The following GBF1 variants were observed in gnomAD, a reference collection of about 807,000 sequenced individuals.
GBF1 encodes the protein Golgi-specific brefeldin A-resistance guanine nucleotide exchange factor 1.
In GBF1, 114 loss-of-function variants were observed where a neutral mutation model predicts 210.5. The observed-to-expected ratio is 0.54, with a 90% CI of 0.47 to 0.63. The LOEUF (loss-of-function observed/expected upper bound fraction) is 0.63. Ranked by LOEUF, GBF1 falls within the 30% of genes least tolerant of loss-of-function variation. The pLI is 0.00. For synonymous variants in GBF1, 850 were observed against 889.2 expected (o/e 0.96, Z 0.78); for missense variants, 1,851 against 2,357.7 (o/e 0.79, Z 4.45).
chr10:102,260,729 G>A (rs748530778), intron 3 of GBF1, among the ~76,000 whole-genome samples: 1 of 151,326 alleles, frequency 6.6e-6, no homozygotes, highest in Non-Finnish European at 1.5e-5. Flanking sequence ...CCACTGCCTC[G>A]GCCTCTGAAA....
In GBF1 at chr10:102,379,478, G is replaced by A; in HGVS notation, c.4646-43G>A. ...AGGTAGGGAGTTTGGGGAGCATCAG[G>A]ATCAAGATGCCTGAAGGATCCTGAC... is the stretch of plus-strand genomic sequence containing the variant. On this transcript the variant is annotated intron_variant, in intron 34 of 39. Coordinates refer to ENST00000369983, the MANE Select transcript of GBF1 (RefSeq NM_001377137.1). 4 of 1,614,004 alleles carry A rather than the reference G, an allele frequency of 2.5e-6. No individual in the cohort carries two copies. In the South Asian group the frequency reaches 4.4e-5, roughly 18 times the overall value.
chr10:102,279,199 A>G (rs2075269628), intron 3 of GBF1, among the ~76,000 whole-genome samples: 1 of 152,182 alleles, frequency 6.6e-6, no homozygotes, highest in Admixed American at 6.5e-5. Context: ...CTAATAACTA[A>G]AAAGAGTTTG....
chr10:102,289,326 T>C (rs906989973), intron 3 of GBF1, among the ~76,000 whole-genome samples: 3 of 152,164 alleles, frequency 2.0e-5, no homozygotes, highest in Admixed American at 6.5e-5. Flanking sequence ...ATAGAAATCC[T>C]TGTGAGAATA....
At chr10:102,271,037 A>T (rs562739397) in intron 3 of GBF1, among the ~76,000 whole-genome samples, 163 of 149,076 alleles carry the variant, frequency 1.1e-3, no homozygotes, top group African/African-American at 1.3e-3. Context: ...TTATTTTATT[A>T]TTATTATTAT....
Position 102,366,064 on chromosome 10 carries a change from C to T in GBF1, c.2310-319C>T, listed in dbSNP as rs973115750. 6.6e-6 allele frequency among the ~76,000 whole-genome samples: 1 copy of T among 152,150 alleles called. No homozygotes were observed. The highest frequency in any genetic ancestry group is 2.4e-5 in the African/African-American group (1 of 41,434). Reference sequence around the variant, plus strand: ...GGAGACCCTAGCCAATGTTCTTCCTCTACCCATCATTTATATCTATTGGAC... The same window carrying T: ...GGAGACCCTAGCCAATGTTCTTCCTTTACCCATCATTTATATCTATTGGAC... On this transcript the variant is annotated intron_variant, in intron 18 of 39. Transcript: ENST00000369983. This position sits in a 1 kb window ranked among gnomAD's most constrained non-coding sequence, Gnocchi z 4.0.
chr10:102,258,114 A>G (rs910424473), intron 1 of GBF1, among the ~76,000 whole-genome samples: 8 of 151,526 alleles, frequency 5.3e-5, no homozygotes, highest in Non-Finnish European at 8.8e-5. Context: ...TGGATTCATA[A>G]CATAAGATGG....
intron 3 of GBF1, among the ~76,000 whole-genome samples, chr10:102,306,095 G>A (rs1197804813): frequency 6.6e-6 from 1 of 152,180 alleles, no homozygotes; most frequent in African/African-American, 2.4e-5. Flanking sequence ...CTGAAGACTT[G>A]AGATATAGAC....
At chr10:102,230,999 G>C in the GBF1 span, 2 of 1,599,634 alleles carry the variant, frequency 1.3e-6, no homozygotes, top group Non-Finnish European at 1.7e-6. Flanking sequence ...TCGTAGGGCG[G>C]CACCAGCCCC....
rs1433796634 is a variant in GBF1 at position 102,265,060 on chromosome 10, G to A, written c.163+4944G>A. On this transcript the variant is annotated intron_variant, in intron 3 of 39. Transcript: ENST00000369983. The stretch of plus-strand genomic sequence containing the variant: ...CATGGGATGGGGCATGGAAGGGAAA[G>A]TGAAATATCAGGATACTTGATATTG... Among the ~76,000 whole-genome samples, 3 of 152,242 alleles carry A rather than the reference G, an allele frequency of 2.0e-5. No homozygotes were observed. In the East Asian group the frequency reaches 5.8e-4, roughly 29 times the overall value.
rs888767728 is a variant in GBF1, at chr10:102,363,467, A to C, written c.2017+71A>C. The C allele has an allele frequency of 2.5e-5, 36 of 1,421,414 alleles. No individual in the cohort carries two copies. Among genetic ancestry groups the C allele is most frequent in the Non-Finnish European group, 3.5e-5 (36 of 1,025,762 alleles). 88.1% of individuals were successfully genotyped at this position (1,421,414 alleles called of 1,614,324 possible). A position where few individuals can be genotyped will look rare whatever the true frequency, so the allele number is the denominator to read the frequency against. On this transcript the variant is annotated intron_variant, in intron 16 of 39. Transcript: ENST00000369983. The surrounding 1 kb of genome is among the most constrained non-coding windows in gnomAD (Gnocchi z 4.2). ...CTGGTGAAGAGCAGAGGGAGGGAGC[A>C]GACACCTAGGATAGTAACTAAGCAA...
In GBF1 at chr10:102,288,705, G is replaced by A. The variant is rs1471477860; in HGVS notation, c.163+28589G>A. 5.3e-5 allele frequency among the ~76,000 whole-genome samples: 7 copies of A among 133,160 alleles called. 1 individual carries two copies. The South Asian group carries it at 1.6e-3, about 30-fold the overall frequency. 87.4% of individuals were successfully genotyped at this position (133,160 alleles called of 152,430 possible). ...CGCAGTCCGGCCTGGGCGACAGAGC[G>A]AGACTCCGTCTCAAAGGAAAAAAAA... On this transcript the variant is annotated intron_variant, in intron 3 of 39. Coordinates refer to ENST00000369983, the MANE Select transcript of GBF1 (RefSeq NM_001377137.1).
chr10:102,342,258 C>T (rs972404477), intron 3 of GBF1, among the ~76,000 whole-genome samples: 1 of 151,948 alleles, frequency 6.6e-6, no homozygotes, highest in African/African-American at 2.4e-5. Flanking sequence ...AGGATGGTCT[C>T]GATCTCCTGA....
the GBF1 span, among the ~76,000 whole-genome samples, chr10:102,240,191 T>C: frequency 6.6e-6 from 1 of 152,356 alleles, no homozygotes; most frequent in African/African-American, 2.4e-5. Context: ...AGGGGGCAAC[T>C]GAGGCTGCCA....
At chr10:102,352,548 G>T in intron 7 of GBF1, 30 bp downstream of exon 7, 3 of 1,526,078 alleles carry the variant, frequency 2.0e-6, no homozygotes, top group Non-Finnish European at 2.7e-6. Context: ...CTTCAGCCCG[G>T]CTGCCCAGGC....
At chr10:102,271,887 G>T (rs182882300) in intron 3 of GBF1, among the ~76,000 whole-genome samples, 1 of 151,990 alleles carries the variant, frequency 6.6e-6, no homozygotes, top group East Asian at 1.9e-4. Context: ...AAGTAGCTGG[G>T]ACTACAGGTG....
intron 3 of GBF1, among the ~76,000 whole-genome samples, chr10:102,325,003 C>A (rs1042080102): frequency 3.9e-5 from 6 of 152,074 alleles, no homozygotes; most frequent in African/African-American, 1.4e-4. Flanking sequence ...CAATGCATAC[C>A]CTCTCCACAG....
intron 3 of GBF1, among the ~76,000 whole-genome samples, chr10:102,275,314 G>C (rs2074852777): frequency 6.6e-6 from 1 of 152,188 alleles, no homozygotes; most frequent in Admixed American, 6.5e-5. Flanking sequence ...GAGGAAAGTA[G>C]TACCAAAACC....
intron 3 of GBF1, among the ~76,000 whole-genome samples, chr10:102,315,348 G>A (rs2078837354): frequency 6.6e-6 from 1 of 152,192 alleles, no homozygotes; most frequent in Non-Finnish European, 1.5e-5. Flanking sequence ...TTAAGCTGCA[G>A]CATTAGATTC....
chr10:102,321,509 T>G (rs1207870826), intron 3 of GBF1, among the ~76,000 whole-genome samples: 2 of 152,216 alleles, frequency 1.3e-5, no homozygotes, highest in South Asian at 4.1e-4. Context: ...TATACTGATT[T>G]ATTTGTTGTA....
Sources: allele counts gnomAD v4.1 joint callset (sites outside exome capture counted in the v4.1 genomes callset), GRCh38; gene constraint gnomAD v4.1.1; non-coding constraint Gnocchi (gnomAD v3.1); transcripts MANE v1.5; gene names NCBI Gene and HGNC (gene_info 2026-07-23, HGNC 2026-07-21).